Variants in EEFSEC observed in about 807,000 individuals in gnomAD.
EEFSEC encodes eukaryotic elongation factor, selenocysteine-tRNA specific.
EEFSEC carries 43 observed loss-of-function variants against 42.1 expected under a neutral mutation model. The ratio of observed to expected loss-of-function variants is 1.02; its 90% CI spans 0.80 to 1.32. The LOEUF (loss-of-function observed/expected upper bound fraction) is 1.32. Ranked by LOEUF, EEFSEC falls within the 40% of genes most tolerant of loss-of-function variation. The pLI is 0.00. For missense variants in EEFSEC, 745 were observed against 803.6 expected (o/e 0.93, Z 0.88); for synonymous variants, 354 against 339.1 (o/e 1.04, Z -0.48).
At chr3:128,349,973 C>G (rs1027331495) in intron 5 of EEFSEC, among the ~76,000 whole-genome samples, 5 of 152,258 alleles carry the variant, frequency 3.3e-5, no homozygotes, top group African/African-American at 1.2e-4. Context: ...CAGACACCAT[C>G]CCCCTTCCAC....
At chr3:128,310,145 A>G (rs1480571853) in intron 4 of EEFSEC, among the ~76,000 whole-genome samples, 2 of 152,250 alleles carry the variant, frequency 1.3e-5, no homozygotes, top group African/African-American at 2.4e-5. Context: ...CTTTGGCCAC[A>G]GCATTTTTAG....
At chr3:128,220,367 C>A (rs929641788) in intron 1 of EEFSEC, among the ~76,000 whole-genome samples, 1 of 152,194 alleles carries the variant, frequency 6.6e-6, no homozygotes, top group African/African-American at 2.4e-5. Flanking sequence ...TGTGGCTGTT[C>A]ATTGTGGACA....
rs564566780 is a variant in EEFSEC, at chr3:128,362,629, C to G, written c.1600+4256C>G. On this transcript the variant is annotated intron_variant, in intron 6 of 6. Transcript: ENST00000254730. The stretch of plus-strand genomic sequence containing the variant: ...ATTGAGGGGCACGCGGAGCTTAAAG[C>G]CTTGTTACTGGAAAGCCCCAGGCCC... Among the ~76,000 whole-genome samples, 62 of 152,338 alleles carry G rather than the reference C, an allele frequency of 4.1e-4. 1 individual carries two copies. In the South Asian group the frequency reaches 0.012, roughly 31 times the overall value.
chr3:128,381,982 C>T (rs1231259530), intron 6 of EEFSEC, among the ~76,000 whole-genome samples: 2 of 152,166 alleles, frequency 1.3e-5, no homozygotes, highest in Non-Finnish European at 2.9e-5. Flanking sequence ...GGACGCCATC[C>T]ACTACCTCGG....
intron 1 of EEFSEC, among the ~76,000 whole-genome samples, chr3:128,218,919 C>T (rs1320850904): frequency 6.6e-6 from 1 of 152,196 alleles, no homozygotes; most frequent in Non-Finnish European, 1.5e-5. Flanking sequence ...TTCAGTTAGG[C>T]ATTCCCTCAG....
chr3:128,202,633 C>A (rs1463061768), intron 1 of EEFSEC, among the ~76,000 whole-genome samples: 5 of 152,104 alleles, frequency 3.3e-5, no homozygotes, highest in Admixed American at 6.6e-5. Flanking sequence ...ATACCTTTTT[C>A]TAACCTTTAT....
intron 5 of EEFSEC, among the ~76,000 whole-genome samples, chr3:128,344,219 C>T (rs1052710155): frequency 3.3e-5 from 5 of 152,264 alleles, no homozygotes; most frequent in East Asian, 3.8e-4. Context: ...GAGCCTGCCT[C>T]CTGCCTCCCT....
chr3:128,234,485 G>A (rs1308219447), intron 1 of EEFSEC, among the ~76,000 whole-genome samples: 1 of 152,196 alleles, frequency 6.6e-6, no homozygotes, highest in Non-Finnish European at 1.5e-5. Flanking sequence ...GCATACGACA[G>A]CATGGTTTGG....
intron 6 of EEFSEC, among the ~76,000 whole-genome samples, chr3:128,398,644 A>G (rs896565721): frequency 1.3e-5 from 2 of 152,058 alleles, no homozygotes; most frequent in Admixed American, 1.3e-4. Flanking sequence ...CCGGGCCTGC[A>G]GGGACACCTA....
chr3:128,368,490 A>G (rs2067616616), intron 6 of EEFSEC, among the ~76,000 whole-genome samples: 1 of 152,146 alleles, frequency 6.6e-6, no homozygotes, highest in Admixed American at 6.5e-5. Context: ...AACACACACA[A>G]GAAATGAAGT....
At chr3:128,425,331 C>T in the EEFSEC span, among the ~76,000 whole-genome samples, 1 of 152,208 alleles carries the variant, frequency 6.6e-6, no homozygotes, top group Non-Finnish European at 1.5e-5. Flanking sequence ...TGTGGCTGCA[C>T]GTCCCAGCAG....
downstream of EEFSEC, among the ~76,000 whole-genome samples, chr3:128,411,929 G>A (rs552244815): frequency 2.8e-3 from 428 of 152,364 alleles, 2 homozygotes; most frequent in Non-Finnish European, 4.4e-3. Context: ...CTGACGTCTG[G>A]GTGTGCATCT....
rs1025763743 is a variant in EEFSEC at position 128,317,715 on chromosome 3, GC to G, written c.787-23516del. On this transcript the variant is annotated intron_variant, in intron 4 of 6. Coordinates refer to ENST00000254730, the MANE Select transcript of EEFSEC (RefSeq NM_021937.5). The surrounding 1 kb of genome is among the most constrained non-coding windows in gnomAD (Gnocchi z 4.1). ...CTGCCTGGCTCCTGCCTCAGCTGCA[GC>G]CATTTGTGCTCACGTACCATTCTCT... Among the ~76,000 whole-genome samples the G allele has an allele frequency of 1.3e-5, 2 of 152,228 alleles. No homozygotes were observed. Among genetic ancestry groups the G allele is most frequent in the African/African-American group, 4.8e-5 (2 of 41,470 alleles).
intron 1 of EEFSEC, among the ~76,000 whole-genome samples, chr3:128,175,829 T>C (rs2065342792): frequency 2.0e-5 from 3 of 152,214 alleles, no homozygotes; most frequent in Admixed American, 1.3e-4. Flanking sequence ...ATTTGCACCC[T>C]GTCCTTCGGT....
intron 4 of EEFSEC, among the ~76,000 whole-genome samples, chr3:128,272,484 C>T (rs1576596946): frequency 6.6e-6 from 1 of 152,188 alleles, no homozygotes; most frequent in African/African-American, 2.4e-5. Flanking sequence ...TGGAGGTTTG[C>T]AGAGGCTGGG....
chr3:128,244,681 A>T (rs1468403024), intron 1 of EEFSEC, among the ~76,000 whole-genome samples: 1 of 152,214 alleles, frequency 6.6e-6, no homozygotes. Flanking sequence ...CTCCCAGCAG[A>T]CAACCAAGTC....
In EEFSEC at chr3:128,334,053, A is replaced by G. The variant is rs2067163078; in HGVS notation, c.787-7180A>G. Among the ~76,000 whole-genome samples, 3 of 152,220 alleles carry G rather than the reference A, an allele frequency of 2.0e-5. No individual in the cohort carries two copies. The South Asian group carries it at 6.2e-4, about 32-fold the overall frequency. On this transcript the variant is annotated intron_variant, in intron 4 of 6. Coordinates refer to ENST00000254730, the MANE Select transcript of EEFSEC (RefSeq NM_021937.5). ...GCTGAGAGTTAGCTCTGAAAACTCC[A>G]TGGGCAAGTCCAGCAGGGAGAGGGC...
downstream of EEFSEC, among the ~76,000 whole-genome samples, chr3:128,410,429 T>G (rs1263695548): frequency 1.3e-5 from 2 of 152,096 alleles, no homozygotes; most frequent in African/African-American, 4.8e-5. Flanking sequence ...GTGCCAAGCA[T>G]GGGGTTCCAT....
At chr3:128,335,026 G>T (rs945870252) in intron 4 of EEFSEC, among the ~76,000 whole-genome samples, 4 of 152,192 alleles carry the variant, frequency 2.6e-5, no homozygotes, top group African/African-American at 9.7e-5. Context: ...TCCTCTGAGG[G>T]CCTGGCCAGC....
Sources: gnomAD v4.1 joint callset for allele counts (sites outside exome capture counted in the v4.1 genomes callset) on GRCh38, gnomAD v4.1.1 for gene constraint, Gnocchi (gnomAD v3.1) non-coding constraint, MANE v1.5 for transcripts, NCBI Gene and HGNC (gene_info 2026-07-23, HGNC 2026-07-21) for gene names.